The following REXO5 variants were observed in gnomAD, a reference collection of about 807,000 sequenced individuals.
REXO5 encodes the protein RNA exonuclease 5, also known as exonuclease NEF-sp.
A neutral mutation model predicts 88.5 loss-of-function variants in REXO5; 48 were observed. The observed-to-expected ratio is 0.54, with a 90% confidence interval of 0.43 to 0.69. REXO5 has a LOEUF of 0.69. Ranked by LOEUF, REXO5 falls within the 30% of genes least tolerant of loss-of-function variation. The pLI is 0.00. For missense variants in REXO5, 749 were observed against 912.2 expected, an observed-to-expected ratio of 0.82 and a Z score of 2.30; for synonymous variants, 311 against 336.5, an observed-to-expected ratio of 0.92 and a Z score of 0.83.
chr16:20,840,291 A>G (rs746825908), intron 14 of REXO5, 40 bp from the exon 15 acceptor site: 21 of 1,457,340 alleles, frequency 1.4e-5, no homozygotes, highest in African/African-American at 8.4e-5. Flanking sequence ...TTCTCTTTCC[A>G]TATTCATTCC....
intron 7 of REXO5, 38 bp downstream of exon 7, chr16:20,824,565 A>C (rs1281067903): frequency 8.1e-7 from 1 of 1,229,168 alleles, no homozygotes; most frequent in Admixed American, 1.7e-5. Context: ...GGAGTGTTGC[A>C]AGCTGAGGTC....
rs1209647924 is a variant in REXO5 at position 20,832,159 on chromosome 16, G to A, written c.1162G>A (p.Ala388Thr). Residue 388 changes from alanine (A) to threonine (T), a missense_variant, in exon 12 of 20, where the codon GCA (alanine) becomes ACA (threonine). Physicochemically the swap from Ala to Thr is moderately conservative, Grantham distance 58 (BLOSUM62 0). Coordinates refer to ENST00000261377, the MANE Select transcript of REXO5 (RefSeq NM_030941.3). ...TTACCACTTTGTTTTCTTCAAGATT[G>A]CAGAACTAAATCTAGAAGCACTAGC... is the stretch of plus-strand genomic sequence containing the variant. ...YFLKHGPKKI[A>T]ELNLEALANH... 5 of 1,596,790 alleles carry A rather than the reference G, an allele frequency of 3.1e-6. No individual in the cohort carries two copies. The highest frequency in any genetic ancestry group is 1.7e-4 in the Middle Eastern group (1 of 6,024).
chr16:20,844,139 T>C (rs568951455), intron 16 of REXO5, 113 bp downstream of exon 16: 4 of 664,596 alleles, frequency 6.0e-6, no homozygotes, highest in Admixed American at 2.7e-5. Context: ...CACAAGACTT[T>C]GTTATGGAAA....
chr16:20,834,685 T>A (rs2081397946), intron 13 of REXO5, among the ~76,000 whole-genome samples: 1 of 152,152 alleles, frequency 6.6e-6, no homozygotes, highest in Non-Finnish European at 1.5e-5. Flanking sequence ...TTAGATTGTT[T>A]CCGTTGCTAT....
intron 16 of REXO5, 53 bp downstream of exon 16, chr16:20,844,079 G>A: frequency 3.9e-6 from 4 of 1,035,564 alleles, no homozygotes; most frequent in Non-Finnish European, 6.1e-6. Flanking sequence ...ACCACAGCCT[G>A]TATTTATAGT....
At chr16:20,840,589 G>A in intron 15 of REXO5, 121 bp downstream of exon 15, 3 of 811,720 alleles carry the variant, frequency 3.7e-6, no homozygotes, top group East Asian at 5.0e-5. Context: ...ACTGGAGTGT[G>A]AGACATACTC....
chr16:20,833,859 A>T (rs1296992443), intron 13 of REXO5, among the ~76,000 whole-genome samples: 1 of 152,196 alleles, frequency 6.6e-6, no homozygotes, highest in Non-Finnish European at 1.5e-5. Context: ...AGTAAATCTA[A>T]TATTGTCCTG....
intron 2 of REXO5, among the ~76,000 whole-genome samples, chr16:20,809,469 T>G (rs1329850463): frequency 6.6e-6 from 1 of 152,230 alleles, no homozygotes; most frequent in Admixed American, 6.5e-5. Flanking sequence ...TAGTCTTCCC[T>G]TGATATTCAT....
rs1164279877 is a variant in REXO5, at chr16:20,806,660, C to T, written c.-48C>T. On this transcript the variant is annotated 5_prime_UTR_variant, in exon 1 of 20. Coordinates refer to ENST00000261377, the MANE Select transcript of REXO5 (RefSeq NM_030941.3). ...CGCTCGGCAGCACCTTCCTTCTTTGCCAGGCAGACGCCCGTTGTAGCCGTT... is the reference window on the plus strand; with the variant it reads ...CGCTCGGCAGCACCTTCCTTCTTTGTCAGGCAGACGCCCGTTGTAGCCGTT... 15 of 1,123,728 alleles carry T rather than the reference C, an allele frequency of 1.3e-5. No individual in the cohort carries two copies. The highest frequency in any genetic ancestry group is 1.7e-5 in the Non-Finnish European group (14 of 818,602). The allele number at this position is 1,123,728 out of a possible 1,614,324, so 69.6% of individuals were successfully genotyped here. A position where few individuals can be genotyped will look rare whatever the true frequency, so the allele number is the denominator to read the frequency against.
chr16:20,828,588 G>C lies in REXO5; in HGVS notation c.1158+51G>C, dbSNP rs750297576. On this transcript the variant is annotated intron_variant, in intron 11 of 19. Transcript: ENST00000261377. The stretch of plus-strand genomic sequence containing the variant: ...ACCTTTTCTTAAAATCATGGGACTA[G>C]ATCAGATTATCACAGACTACCAACT... 2.0e-5 allele frequency: 25 copies of C among 1,258,812 alleles called. No individual in the cohort carries two copies. The Admixed American group carries it at 2.9e-4, about 14-fold the overall frequency. The allele number at this position is 1,258,812 out of a possible 1,614,324, so 78.0% of individuals were successfully genotyped here.
chr16:20,807,585 G>GAAA (rs1013842567), intron 2 of REXO5, among the ~76,000 whole-genome samples: 6 of 50,564 alleles, frequency 1.2e-4, no homozygotes, highest in Admixed American at 5.0e-4. Flanking sequence ...TCACGTCTCA[G>GAAA]AAAAAAAAAA....
intron 13 of REXO5, among the ~76,000 whole-genome samples, chr16:20,839,371 A>ATT (rs760106372): frequency 2.1e-4 from 30 of 141,246 alleles, no homozygotes; most frequent in African/African-American, 5.7e-4. Context: ...ATGCCCCTTG[A>ATT]TTTTTTTTTT....
intron 19 of REXO5, among the ~76,000 whole-genome samples, chr16:20,847,391 G>C (rs1444242600): frequency 6.1e-5 from 9 of 147,344 alleles, no homozygotes; most frequent in Admixed American, 4.1e-4. Context: ...AGCTGAGATT[G>C]CACCACTGCA....
intron 9 of REXO5, 40 bp from the exon 10 acceptor site, chr16:20,827,313 A>T: frequency 6.3e-7 from 1 of 1,599,532 alleles, no homozygotes; most frequent in East Asian, 2.2e-5. Context: ...TTTTTCCTTT[A>T]GCATAAGACA....
At chr16:20,820,035 C>T (rs938056428) in intron 5 of REXO5, among the ~76,000 whole-genome samples, 1 of 152,168 alleles carries the variant, frequency 6.6e-6, no homozygotes. Flanking sequence ...GGATTACAGG[C>T]ATGCCATGCA....
chr16:20,820,381 G>T (rs561028212), intron 5 of REXO5, among the ~76,000 whole-genome samples: 1 of 151,464 alleles, frequency 6.6e-6, no homozygotes, highest in East Asian at 1.9e-4. Flanking sequence ...ATTGTTTGAA[G>T]AAGGATGTAT....
chr16:20,814,179 A>T (rs1596568639), intron 3 of REXO5, among the ~76,000 whole-genome samples: 1 of 151,892 alleles, frequency 6.6e-6, no homozygotes, highest in East Asian at 1.9e-4. Context: ...TAACACATAG[A>T]CAAATAAGCA....
Position 20,845,616 on chromosome 16 carries a change from C to T in REXO5, c.2124+375C>T, listed in dbSNP as rs186447362. 1.4e-4 allele frequency among the ~76,000 whole-genome samples: 21 copies of T among 151,928 alleles called. 1 individual carries two copies. The highest frequency in any genetic ancestry group is 1.2e-3 in the East Asian group (6 of 5,156). On this transcript the variant is annotated intron_variant, in intron 18 of 19. Coordinates refer to ENST00000261377, the MANE Select transcript of REXO5 (RefSeq NM_030941.3). ...TCACTTTTATGATTATGGACTTGTC[C>T]GTCTTTTTATTATATCTAAGACATC...
chr16:20,813,973 A>G (rs2081042805), intron 3 of REXO5, among the ~76,000 whole-genome samples: 1 of 152,112 alleles, frequency 6.6e-6, no homozygotes, highest in African/African-American at 2.4e-5. Flanking sequence ...TTTTGTATGT[A>G]TGCAAATAAT....
Sources: gnomAD v4.1 joint callset for allele counts (sites outside exome capture counted in the v4.1 genomes callset) on GRCh38, gnomAD v4.1.1 for gene constraint, MANE v1.5 for transcripts, NCBI Gene and HGNC (gene_info 2026-07-23, HGNC 2026-07-21) for gene names.